RANBP2: variants seen among roughly 807,000 people sequenced by gnomAD.
RANBP2 encodes E3 SUMO-protein ligase RanBP2.
RANBP2 carries 57 observed loss-of-function variants against 303.6 expected under a neutral mutation model. The observed-to-expected ratio is 0.19, with a 90% CI of 0.15 to 0.23. The LOEUF (loss-of-function observed/expected upper bound fraction) is 0.23. Among genes scored for constraint, RANBP2 ranks in the 10% least tolerant of loss-of-function variants. RANBP2 has a pLI of 1.00. For synonymous variants in RANBP2, 1,167 were observed against 1,301.5 expected (o/e 0.90, Z 2.23); for missense variants, 3,138 against 3,780.8 (o/e 0.83, Z 4.46).
downstream of RANBP2, chr2:108,786,980 C>A: frequency 8.6e-7 from 1 of 1,160,954 alleles, no homozygotes; most frequent in Non-Finnish European, 1.1e-6. Context: ...GCTCCGTGCC[C>A]CGCGCAGCCG....
chr2:109,427,250 T>A, the RANBP2 span, among the ~76,000 whole-genome samples: 1 of 152,172 alleles, frequency 6.6e-6, no homozygotes, highest in South Asian at 2.1e-4. Flanking sequence ...ATTACAGGCG[T>A]GAGTCACCGT....
the RANBP2 span, among the ~76,000 whole-genome samples, chr2:109,340,989 TTA>T: frequency 6.6e-6 from 1 of 152,212 alleles, no homozygotes; most frequent in African/African-American, 2.4e-5. Context: ...TGTAGACAAT[TTA>T]TGTCTTCACA....
At chr2:109,264,433 C>T in the RANBP2 span, among the ~76,000 whole-genome samples, 2 of 152,228 alleles carry the variant, frequency 1.3e-5, no homozygotes, top group Admixed American at 6.5e-5. Flanking sequence ...CCACGATCCA[C>T]CCCAAGTCTG....
chr2:108,788,823 A>G (rs775446330), downstream of RANBP2: 4 of 1,613,658 alleles, frequency 2.5e-6, no homozygotes, highest in East Asian at 4.5e-5. Context: ...TGTTGTGGTA[A>G]TCTTTCATGG....
the RANBP2 span, among the ~76,000 whole-genome samples, chr2:109,527,992 G>C: frequency 6.6e-6 from 1 of 152,316 alleles, no homozygotes; most frequent in South Asian, 2.1e-4. Flanking sequence ...GCGGGAGGAC[G>C]GGTGGATAGT....
the RANBP2 span, among the ~76,000 whole-genome samples, chr2:109,241,109 A>G: frequency 6.6e-6 from 1 of 152,250 alleles, no homozygotes; most frequent in Non-Finnish European, 1.5e-5. Flanking sequence ...GAGAAGCTTC[A>G]TTGTCTAGTA....
chr2:109,380,693 T>A, the RANBP2 span, among the ~76,000 whole-genome samples: 2 of 152,210 alleles, frequency 1.3e-5, no homozygotes, highest in African/African-American at 4.8e-5. Context: ...TGTCAGGGCC[T>A]GGCGAAGGGG....
chr2:109,370,215 GTCTCTGTCTCTGTC>G, the RANBP2 span, among the ~76,000 whole-genome samples: 101 of 146,498 alleles, frequency 6.9e-4, no homozygotes, highest in African/African-American at 2.6e-3. Context: ...CTCTGTCTCT[GTCTCTGTCTCTGTC>G]TCTCTCTCTC....
chr2:109,083,911 C>A, the RANBP2 span, among the ~76,000 whole-genome samples: 1 of 152,176 alleles, frequency 6.6e-6, no homozygotes, highest in Non-Finnish European at 1.5e-5. Flanking sequence ...CCCCAAACCC[C>A]ACCCGGTCCA....
the RANBP2 span, among the ~76,000 whole-genome samples, chr2:109,332,417 G>A: frequency 6.6e-6 from 1 of 152,124 alleles, no homozygotes; most frequent in Admixed American, 6.5e-5. Context: ...CCAGCACCCC[G>A]AGCAGGGTGC....
At chr2:108,759,757 C>G (rs1329273653) in intron 18 of RANBP2, among the ~76,000 whole-genome samples, 1 of 152,164 alleles carries the variant, frequency 6.6e-6, no homozygotes. Flanking sequence ...AGAGGATAAA[C>G]AAACCGGCTA....
the RANBP2 span, among the ~76,000 whole-genome samples, chr2:108,813,329 T>C: frequency 6.6e-6 from 1 of 151,732 alleles, no homozygotes; most frequent in South Asian, 2.1e-4. Flanking sequence ...ATCTTTTCTC[T>C]TTGATTTAGC....
At chr2:108,872,873 A>G in the RANBP2 span, among the ~76,000 whole-genome samples, 2 of 152,194 alleles carry the variant, frequency 1.3e-5, no homozygotes, top group African/African-American at 2.4e-5. Flanking sequence ...TTTCATCTAA[A>G]TAGCCCCACA....
chr2:109,063,265 G>A, the RANBP2 span, among the ~76,000 whole-genome samples: 1 of 152,140 alleles, frequency 6.6e-6, no homozygotes, highest in Non-Finnish European at 1.5e-5. Context: ...CCCACTCCTG[G>A]GGCTTTTGAT....
the RANBP2 span, among the ~76,000 whole-genome samples, chr2:109,687,928 C>T: frequency 0.091 from 13,862 of 152,042 alleles, 1,026 homozygotes; most frequent in South Asian, 0.32. Flanking sequence ...GTATTTTTAA[C>T]AGAGATGGGC....
At chr2:109,413,120 A>G in the RANBP2 span, among the ~76,000 whole-genome samples, 2 of 152,066 alleles carry the variant, frequency 1.3e-5, no homozygotes, top group East Asian at 1.9e-4. Context: ...ATTATTTTAT[A>G]TATATATTTT....
At chr2:109,609,458 T>C in the RANBP2 span, among the ~76,000 whole-genome samples, 57 of 151,806 alleles carry the variant, frequency 3.8e-4, no homozygotes, top group African/African-American at 6.3e-4. Flanking sequence ...TACTGCAAGG[T>C]AGCATATGAC....
the RANBP2 span, among the ~76,000 whole-genome samples, chr2:109,227,820 C>T: frequency 2.0e-5 from 3 of 152,206 alleles, no homozygotes; most frequent in Non-Finnish European, 4.4e-5. Flanking sequence ...CCCGAATTCC[C>T]GCTCACTCTG....
chr2:109,388,505 C>T, the RANBP2 span, among the ~76,000 whole-genome samples: 1 of 152,202 alleles, frequency 6.6e-6, no homozygotes, highest in Non-Finnish European at 1.5e-5. Context: ...CAGCTGCTGA[C>T]CCTGTGTCTG....
Sources: gnomAD v4.1 joint callset for allele counts (sites outside exome capture counted in the v4.1 genomes callset) on GRCh38, gnomAD v4.1.1 for gene constraint, MANE v1.5 for transcripts, NCBI Gene and HGNC (gene_info 2026-07-23, HGNC 2026-07-21) for gene names.